The following MLIP variants were observed in gnomAD, a reference collection of about 807,000 sequenced individuals.
MLIP encodes muscular LMNA interacting protein.
In MLIP, 79 loss-of-function variants were observed where a neutral mutation model predicts 84.8. The observed-to-expected ratio is 0.93, with a 90% CI of 0.78 to 1.12. MLIP has a LOEUF of 1.12. MLIP is among the 50% of genes most tolerant of loss of function. MLIP has a pLI of 0.00. For missense variants in MLIP, 1,257 were observed against 1,160.6 expected (o/e 1.08, Z -1.21); for synonymous variants, 504 against 463.0 (o/e 1.09, Z -1.14).
intron 5 of MLIP, among the ~76,000 whole-genome samples, chr6:54,155,236 T>G (rs1411290398): frequency 6.6e-6 from 1 of 152,172 alleles, no homozygotes; most frequent in Non-Finnish European, 1.5e-5. Flanking sequence ...TGTATGTTAT[T>G]CAGACCTGAA....
At chr6:54,109,371 A>G (rs539658156), upstream of MLIP, among the ~76,000 whole-genome samples, 1 of 152,280 alleles carries the variant, frequency 6.6e-6, no homozygotes, top group African/African-American at 2.4e-5. Context: ...ATTTAATTGT[A>G]ATCCTCACAA....
intron 2 of MLIP, among the ~76,000 whole-genome samples, chr6:54,124,054 A>C (rs521584): frequency 0.38 from 58,367 of 152,040 alleles, 11,480 homozygotes; most frequent in Admixed American, 0.47. Context: ...GTATTATTTT[A>C]GAAACTTTCA....
At chr6:54,095,989 G>A (rs902973888) in intron 1 of MLIP, among the ~76,000 whole-genome samples, 17 of 152,096 alleles carry the variant, frequency 1.1e-4, no homozygotes, top group Admixed American at 9.2e-4. Flanking sequence ...CATCTAGCAG[G>A]TAGGCGATGT....
intron 8 of MLIP, among the ~76,000 whole-genome samples, chr6:54,165,884 A>G (rs1188546992): frequency 6.6e-6 from 1 of 151,890 alleles, no homozygotes; most frequent in Non-Finnish European, 1.5e-5. Context: ...GAATGGGATA[A>G]GTTCCCTTAC....
rs1018256401 is a variant in MLIP at position 54,074,873 on chromosome 6, G to A, written c.64-46574G>A. On this transcript the variant is annotated intron_variant, in intron 1 of 12. Transcript: ENST00000274897. The stretch of plus-strand genomic sequence containing the variant: ...CACTGAAAGCAGTCAATAAAAGGAA[G>A]TGATAGGGACAGAAATTCTTAAATT... Among the ~76,000 whole-genome samples the A allele has an allele frequency of 2.6e-5, 4 of 152,154 alleles. 1 individual carries two copies. Among genetic ancestry groups the A allele is most frequent in the Admixed American group, 2.6e-4 (4 of 15,270 alleles).
intron 9 of MLIP, among the ~76,000 whole-genome samples, chr6:54,181,709 G>A (rs946764400): frequency 2.0e-5 from 3 of 152,142 alleles, no homozygotes; most frequent in Admixed American, 6.5e-5. Flanking sequence ...ACTACCCAAC[G>A]GCTCTTTAGT....
intron 12 of MLIP, among the ~76,000 whole-genome samples, chr6:54,235,712 C>G (rs1183345073): frequency 6.6e-6 from 1 of 152,050 alleles, no homozygotes; most frequent in African/African-American, 2.4e-5. Context: ...TATGGATTTA[C>G]CAGTTTGTTT....
chr6:54,114,912 T>A (rs1157102781), intron 1 of MLIP, among the ~76,000 whole-genome samples: 3 of 152,152 alleles, frequency 2.0e-5, no homozygotes, highest in African/African-American at 4.8e-5. Flanking sequence ...GAGATGCAGA[T>A]GTGTGAATAA....
intron 1 of MLIP, among the ~76,000 whole-genome samples, chr6:54,051,925 A>G (rs1217384292): frequency 6.6e-6 from 1 of 152,124 alleles, no homozygotes; most frequent in African/African-American, 2.4e-5. Flanking sequence ...AAAAATGGGA[A>G]TTTATTGCTT....
chr6:54,048,705 C>T (rs977546024), intron 1 of MLIP, among the ~76,000 whole-genome samples: 7 of 152,154 alleles, frequency 4.6e-5, no homozygotes, highest in Non-Finnish European at 7.3e-5. Context: ...GATGAAGGCT[C>T]TGGCCTGAGC....
chr6:54,217,131 G>T, intron 11 of MLIP: 1 of 985,416 alleles, frequency 1.0e-6, no homozygotes, highest in Non-Finnish European at 1.2e-6. Context: ...AAAGGCTCCA[G>T]TAATTTTACC....
At position 54,090,713 on chromosome 6, in the gene MLIP, G is replaced by GACAC. The variant is rs146643591; in HGVS notation, c.64-30720_64-30717dup. On this transcript the variant is annotated intron_variant, in intron 1 of 12. Coordinates refer to the MLIP transcript ENST00000274897. The stretch of plus-strand genomic sequence containing the variant: ...ACAGAGAAAGAGAGAGAGAGAGAGG[G>GACAC]ACACACACACACACACAGCACAGTG... Among the ~76,000 whole-genome samples the GACAC allele has an allele frequency of 4.7e-4, 70 of 149,308 alleles. 1 individual carries two copies. Among genetic ancestry groups the GACAC allele is most frequent in the Non-Finnish European group, 3.0e-4 (20 of 67,170 alleles).
At chr6:54,261,997 T>C (rs1395771434) in intron 13 of MLIP, among the ~76,000 whole-genome samples, 2 of 151,972 alleles carry the variant, frequency 1.3e-5, no homozygotes, top group African/African-American at 2.4e-5. Context: ...CAGGGTAAAT[T>C]TGTCTTATAA....
At chr6:54,170,898 AG>A (rs1775702286) in intron 9 of MLIP, among the ~76,000 whole-genome samples, 2 of 151,454 alleles carry the variant, frequency 1.3e-5, no homozygotes, top group South Asian at 4.1e-4. Flanking sequence ...TTGAGTCGTT[AG>A]TGGGTACAAG....
chr6:54,100,663 G>A (rs1346371578), intron 1 of MLIP, among the ~76,000 whole-genome samples: 4 of 152,038 alleles, frequency 2.6e-5, no homozygotes, highest in South Asian at 2.1e-4. Context: ...TACTTGACAC[G>A]TAGCACTGTC....
chr6:54,063,069 G>T (rs1561902638), intron 1 of MLIP, among the ~76,000 whole-genome samples: 1 of 152,034 alleles, frequency 6.6e-6, no homozygotes, highest in Non-Finnish European at 1.5e-5. Flanking sequence ...ATCCGGTCGT[G>T]GTGGCGTACG....
At position 54,131,823 on chromosome 6, in the gene MLIP, A is replaced by T. The variant is rs1288493818; in HGVS notation, c.646-4892A>T. 3.9e-5 allele frequency among the ~76,000 whole-genome samples: 6 copies of T among 152,168 alleles called. No homozygotes were observed. The East Asian group carries it at 1.2e-3, about 29-fold the overall frequency. On this transcript the variant is annotated intron_variant, in intron 3 of 13. Transcript: ENST00000502396. ...ACACAATATTTTATTTAGCTCAAAA[A>T]TTTTTTGGTCAATAATTTGGGCTGT...
At chr6:54,047,932 G>T (rs1765161579) in intron 1 of MLIP, among the ~76,000 whole-genome samples, 1 of 152,294 alleles carries the variant, frequency 6.6e-6, no homozygotes, top group Admixed American at 6.5e-5. Flanking sequence ...ACAAACTCAG[G>T]ACTGTGCTCT....
chr6:54,092,929 T>G (rs969057593), intron 1 of MLIP, among the ~76,000 whole-genome samples: 3 of 152,102 alleles, frequency 2.0e-5, no homozygotes, highest in African/African-American at 4.8e-5. Context: ...GCTGGAGTGG[T>G]GCAGTGGCAT....
Sources: gnomAD v4.1 joint callset for allele counts (sites outside exome capture counted in the v4.1 genomes callset) on GRCh38, gnomAD v4.1.1 for gene constraint, MANE v1.5 for transcripts, NCBI Gene and HGNC (gene_info 2026-07-23, HGNC 2026-07-21) for gene names.